The following AFDN variants were observed in gnomAD, a reference collection of about 807,000 sequenced individuals.
AFDN encodes the protein afadin.
In AFDN, 68 loss-of-function variants were observed where a neutral mutation model predicts 216.6. The ratio of observed to expected loss-of-function variants is 0.31; its 90% CI spans 0.26 to 0.38. AFDN has a LOEUF of 0.38. AFDN is among the 10% of genes least tolerant of loss of function. The pLI is 1.00. For missense variants in AFDN, 2,136 were observed against 2,342.0 expected (o/e 0.91, Z 1.82); for synonymous variants, 868 against 853.7 (o/e 1.02, Z -0.29).
intron 8 of AFDN, among the ~76,000 whole-genome samples, chr6:167,892,813 T>C (rs1562622127): frequency 2.0e-5 from 3 of 151,754 alleles, no homozygotes; most frequent in Admixed American, 6.6e-5. Flanking sequence ...ATACATAGAA[T>C]TTTTTTTTGT....
intron 32 of AFDN, among the ~76,000 whole-genome samples, chr6:167,967,457 G>T (rs1386855561): frequency 6.6e-6 from 1 of 152,156 alleles, no homozygotes; most frequent in Non-Finnish European, 1.5e-5. Flanking sequence ...AATATCTGTT[G>T]TAAGTATCTA....
intron 22 of AFDN, among the ~76,000 whole-genome samples, chr6:167,924,187 A>G (rs1462492930): frequency 6.6e-6 from 1 of 152,206 alleles, no homozygotes; most frequent in Non-Finnish European, 1.5e-5. Context: ...TCTAAATTAA[A>G]AAGCCATATG....
rs534250822 is a variant in AFDN at position 167,946,885 on chromosome 6, C to T, written c.3537C>T (p.Ser1179=). ...TGAAAAATAGAGCTGATCACCGTTC[C>T]AGCCCCAACGTAGCAAGTAAGAGTG... ...RLMKNRADHR[S]SPNVANQPPS... Residue 1179 remains serine (S), a synonymous_variant, in exon 27 of 34, where the codon TCC becomes TCT. Transcript: ENST00000683244. 94 of 1,611,620 alleles carry T rather than the reference C, an allele frequency of 5.8e-5. No homozygotes were observed. The East Asian group carries it at 2.0e-3, about 35-fold the overall frequency.
At chr6:167,859,217 A>G (rs1783257767) in intron 1 of AFDN, among the ~76,000 whole-genome samples, 1 of 152,172 alleles carries the variant, frequency 6.6e-6, no homozygotes. Context: ...AAAGATTTCA[A>G]AAGCCCATAT....
chr6:167,969,668 C>A, intron 33 of AFDN, 114 bp from the exon 34 acceptor site: 1 of 1,008,802 alleles, frequency 9.9e-7, no homozygotes, highest in Non-Finnish European at 1.4e-6. Flanking sequence ...GGTTATAGCA[C>A]AATTTAACAA....
chr6:167,956,114 C>CAAAAAAAAAAA (rs59521151), intron 30 of AFDN, among the ~76,000 whole-genome samples: 1 of 41,296 alleles, frequency 2.4e-5, no homozygotes, highest in African/African-American at 9.1e-5. Flanking sequence ...GACTTTGGCT[C>CAAAAAAAAAAA]AAAAAAAAAA....
chr6:167,898,721 A>G (rs1583324745), intron 11 of AFDN, among the ~76,000 whole-genome samples: 1 of 152,344 alleles, frequency 6.6e-6, no homozygotes, highest in Non-Finnish European at 1.5e-5. Context: ...TTTAGCCAGT[A>G]TACTAAAACA....
chr6:167,830,933 CTTTTTTTTTTTTTTTT>C (rs71681602), intron 1 of AFDN, among the ~76,000 whole-genome samples: 1 of 79,320 alleles, frequency 1.3e-5, no homozygotes, highest in Non-Finnish European at 2.2e-5. Flanking sequence ...ATATTTGAAA[CTTTTTTTTTTTTTTTT>C]TTTTTTTTTT....
Position 167,971,309 on chromosome 6 carries a change from T to C in AFDN, c.*1374T>C, listed in dbSNP as rs1798006492. ...AGACACATTTTCAAAGAGAATGTTCTCTTACATATGTTAGGAAAATAGGCA... is the reference window on the plus strand; with the variant it reads ...AGACACATTTTCAAAGAGAATGTTCCCTTACATATGTTAGGAAAATAGGCA... On this transcript the variant is annotated 3_prime_UTR_variant, in exon 34 of 34. Transcript: ENST00000683244. The C allele has an allele frequency of 4.6e-6, 1 of 217,160 alleles. No individual in the cohort carries two copies. The highest frequency in any genetic ancestry group is 2.2e-5 in the African/African-American group (1 of 44,466). 13.5% of individuals were successfully genotyped at this position (217,160 alleles called of 1,614,324 possible).
chr6:167,948,082 T>C, intron 28 of AFDN, 138 bp downstream of exon 28: 2 of 806,408 alleles, frequency 2.5e-6, no homozygotes, highest in Non-Finnish European at 3.8e-6. Context: ...TGTTTTATCT[T>C]TTGATTTTTA....
intron 21 of AFDN, 66 bp downstream of exon 21, chr6:167,918,999 T>C: frequency 7.2e-7 from 1 of 1,387,406 alleles, no homozygotes; most frequent in Non-Finnish European, 1.0e-6. Context: ...TTATTCATTG[T>C]CCATCTCATA....
intron 26 of AFDN, among the ~76,000 whole-genome samples, chr6:167,944,642 C>T (rs989423707): frequency 3.3e-5 from 5 of 152,148 alleles, no homozygotes; most frequent in South Asian, 2.1e-4. Flanking sequence ...ATTGTATATA[C>T]GTCACAGTGT....
rs1274088132 is a variant in AFDN at position 167,965,752 on chromosome 6, C to G, written c.4969-5C>G. ...CTTTGCACTCTTGTCTATTCCCGCC[C>G]GCAGAGGCGACAGGAAGAAGGGTAT... On this transcript the variant is annotated splice_polypyrimidine_tract_variant and splice_region_variant and intron_variant, in intron 31 of 33. Coordinates refer to ENST00000683244, the MANE Select transcript of AFDN (RefSeq NM_001386888.1). The G allele has an allele frequency of 2.6e-6, 4 of 1,529,624 alleles. No individual in the cohort carries two copies. The highest frequency in any genetic ancestry group is 1.7e-4 in the Middle Eastern group (1 of 5,746). The allele number at this position is 1,529,624 out of a possible 1,614,324, so 94.8% of individuals were successfully genotyped here.
chr6:167,923,620 C>CTTTTTTTTTTTTT (rs35743665), intron 22 of AFDN, among the ~76,000 whole-genome samples: 1 of 111,968 alleles, frequency 8.9e-6, no homozygotes, highest in African/African-American at 3.3e-5. Flanking sequence ...TACCCTAATA[C>CTTTTTTTTTTTTT]TTTTTTTTTT....
intron 1 of AFDN, 79 bp from the exon 2 acceptor site, chr6:167,864,472 T>G (rs1783951168): frequency 1.5e-6 from 2 of 1,320,590 alleles, no homozygotes; most frequent in South Asian, 1.2e-5. Flanking sequence ...GTGAACAGAC[T>G]TCCTCATTTA....
chr6:167,924,267 T>C (rs1174666672), intron 22 of AFDN, among the ~76,000 whole-genome samples: 1 of 152,218 alleles, frequency 6.6e-6, no homozygotes, highest in Admixed American at 6.5e-5. Flanking sequence ...CTCCTTAGTG[T>C]GTATGCACTG....
rs192857078 is a variant in AFDN at position 167,905,403 on chromosome 6, G to A, written c.1651-1768G>A. On this transcript the variant is annotated intron_variant, in intron 12 of 33. Coordinates refer to ENST00000683244, the MANE Select transcript of AFDN (RefSeq NM_001386888.1). ...GAAAACTGTCTTTATAAAAATTTTC[G>A]TTTCTTAAAAAAATGTGTAGTCCAC... 1.9e-4 allele frequency among the ~76,000 whole-genome samples: 29 copies of A among 152,110 alleles called. No individual in the cohort carries two copies. The East Asian group carries it at 2.3e-3, about 12-fold the overall frequency.
intron 1 of AFDN, among the ~76,000 whole-genome samples, chr6:167,841,867 G>A (rs2128131785): frequency 6.6e-6 from 1 of 151,606 alleles, no homozygotes; most frequent in East Asian, 1.9e-4. Context: ...CCATTCCTCT[G>A]GGACTTTGCA....
intron 1 of AFDN, among the ~76,000 whole-genome samples, chr6:167,845,681 G>T (rs574033579): frequency 6.6e-6 from 1 of 152,140 alleles, no homozygotes; most frequent in Non-Finnish European, 1.5e-5. Context: ...TGGCCTAAAT[G>T]AATATTTCTT....
Sources: gnomAD v4.1 joint callset for allele counts (sites outside exome capture counted in the v4.1 genomes callset) on GRCh38, gnomAD v4.1.1 for gene constraint, MANE v1.5 for transcripts, NCBI Gene and HGNC (gene_info 2026-07-23, HGNC 2026-07-21) for gene names.